Variants in GABRB1 observed in about 807,000 individuals in gnomAD.
GABRB1 encodes the protein gamma-aminobutyric acid receptor subunit beta-1.
GABRB1 carries 17 observed loss-of-function variants against 51.6 expected under a neutral mutation model. That is an observed-to-expected ratio of 0.33 (90% CI 0.23 to 0.49). The LOEUF (loss-of-function observed/expected upper bound fraction) is 0.49, where lower values mean the gene tolerates loss of function less well. Ranked by LOEUF, GABRB1 falls within the 20% of genes least tolerant of loss-of-function variation. GABRB1 has a pLI of 0.99. For missense variants in GABRB1, 410 were observed against 600.6 expected (o/e 0.68, Z 3.32); for synonymous variants, 247 against 218.9 (o/e 1.13, Z -1.14).
At chr4:47,032,383 A>G in intron 2 of GABRB1, 34 bp from the exon 3 acceptor site, 1 of 1,550,998 alleles carries the variant, frequency 6.4e-7, no homozygotes, top group Non-Finnish European at 8.8e-7. Flanking sequence ...TCACTGAGAG[A>G]ATCTGTTCCT....
At chr4:47,178,165 C>T (rs1718779114) in intron 4 of GABRB1, among the ~76,000 whole-genome samples, 1 of 152,002 alleles carries the variant, frequency 6.6e-6, no homozygotes, top group Admixed American at 6.6e-5. Flanking sequence ...GGGGCATACT[C>T]ATTGAGATCA....
At chr4:47,038,568 G>T (rs1725697055) in intron 3 of GABRB1, among the ~76,000 whole-genome samples, 1 of 152,126 alleles carries the variant, frequency 6.6e-6, no homozygotes, top group African/African-American at 2.4e-5. Context: ...GTATCCCAAA[G>T]GATTTACCCA....
At chr4:47,195,821 T>C (rs71611992) in intron 4 of GABRB1, among the ~76,000 whole-genome samples, 1 of 152,242 alleles carries the variant, frequency 6.6e-6, no homozygotes, top group Non-Finnish European at 1.5e-5. Flanking sequence ...TACTTTATTG[T>C]TGAGAAATTG....
At chr4:47,096,378 C>T (rs1251132140) in intron 3 of GABRB1, among the ~76,000 whole-genome samples, 1 of 152,080 alleles carries the variant, frequency 6.6e-6, no homozygotes, top group Non-Finnish European at 1.5e-5. Context: ...CCAACTAAGC[C>T]GATCCCTGCA....
intron 4 of GABRB1, among the ~76,000 whole-genome samples, chr4:47,265,183 A>G (rs1317592226): frequency 6.6e-6 from 1 of 152,060 alleles, no homozygotes; most frequent in Admixed American, 6.6e-5. Context: ...GCTCCCACTT[A>G]TAGGTGAGAA....
intron 4 of GABRB1, among the ~76,000 whole-genome samples, chr4:47,273,387 T>C (rs1375434952): frequency 6.6e-6 from 1 of 152,200 alleles, no homozygotes; most frequent in African/African-American, 2.4e-5. Context: ...TCTGGGTAGT[T>C]TATTTCCTGC....
intron 3 of GABRB1, among the ~76,000 whole-genome samples, chr4:47,119,189 G>A (rs543888927): frequency 6.6e-6 from 1 of 152,160 alleles, no homozygotes; most frequent in East Asian, 1.9e-4. Context: ...AGAAGGGGAA[G>A]ATTGACTGTT....
At chr4:47,329,086 A>G (rs1214874762) in intron 5 of GABRB1, among the ~76,000 whole-genome samples, 1 of 152,176 alleles carries the variant, frequency 6.6e-6, no homozygotes, top group Non-Finnish European at 1.5e-5. Flanking sequence ...TATAGTTTTC[A>G]GACATAAGAC....
intron 1 of GABRB1, among the ~76,000 whole-genome samples, chr4:46,996,301 A>T (rs1723996027): frequency 6.6e-6 from 1 of 152,124 alleles, no homozygotes; most frequent in South Asian, 2.1e-4. Context: ...TACTAGGTTT[A>T]GCAGAATTTG....
At chr4:47,232,898 G>A (rs529884986) in intron 4 of GABRB1, among the ~76,000 whole-genome samples, 6 of 142,460 alleles carry the variant, frequency 4.2e-5, no homozygotes, top group South Asian at 4.4e-4. Flanking sequence ...TTTTTGAGGC[G>A]TAGTCTCACT....
rs146236542 is a variant in GABRB1, at chr4:47,055,483, G to C, written c.240+22999G>C. On this transcript the variant is annotated intron_variant, in intron 3 of 8. Coordinates refer to ENST00000295454, the MANE Select transcript of GABRB1 (RefSeq NM_000812.4). ...GTAACCGAGCGGACACCATTTACAC[G>C]AGCATGCACTTTGTCGAAATATTGT... Among the ~76,000 whole-genome samples, 548 of 152,226 alleles carry C rather than the reference G, an allele frequency of 3.6e-3. 6 individuals are homozygous for C. Among genetic ancestry groups the C allele is most frequent in the African/African-American group, 0.012 (512 of 41,542 alleles).
chr4:47,074,143 C>G (rs10029672), intron 3 of GABRB1, among the ~76,000 whole-genome samples: 12,359 of 152,122 alleles, frequency 0.081, 545 homozygotes, highest in South Asian at 0.17. Flanking sequence ...CAATGTTTTT[C>G]TCACAAACGG....
intron 3 of GABRB1, among the ~76,000 whole-genome samples, chr4:47,116,151 T>A (rs1715467920): frequency 6.6e-6 from 1 of 152,222 alleles, no homozygotes; most frequent in Admixed American, 6.5e-5. Flanking sequence ...AAATAAATTG[T>A]CAAGTTTGGT....
chr4:47,138,922 TAA>T (rs1560553385), intron 3 of GABRB1, among the ~76,000 whole-genome samples: 1 of 152,100 alleles, frequency 6.6e-6, no homozygotes, highest in East Asian at 1.9e-4. Flanking sequence ...AAAGCCTGAC[TAA>T]TTCACCCTTA....
intron 4 of GABRB1, among the ~76,000 whole-genome samples, chr4:47,254,194 CA>C (rs1722091401): frequency 6.6e-6 from 1 of 151,970 alleles, no homozygotes; most frequent in African/African-American, 2.4e-5. Flanking sequence ...AATATGCTAT[CA>C]GAAAATCTCC....
At chr4:47,114,197 G>A (rs1715365239) in intron 3 of GABRB1, among the ~76,000 whole-genome samples, 1 of 127,454 alleles carries the variant, frequency 7.8e-6, no homozygotes, top group South Asian at 2.7e-4. Context: ...TCATTCCAAG[G>A]CGTATGAAGA....
At chr4:47,412,681 C>G (rs1728797532) in intron 8 of GABRB1, among the ~76,000 whole-genome samples, 1 of 152,036 alleles carries the variant, frequency 6.6e-6, no homozygotes, top group African/African-American at 2.4e-5. Context: ...AGGTTAAGAG[C>G]AGAGGTTTAA....
intron 4 of GABRB1, among the ~76,000 whole-genome samples, chr4:47,238,695 C>A (rs553942961): frequency 1.3e-5 from 2 of 151,940 alleles, no homozygotes; most frequent in South Asian, 4.2e-4. Flanking sequence ...TTTGAAATAT[C>A]CTAAGTGTCG....
chr4:47,287,703 TC>T (rs1723562552), intron 4 of GABRB1, among the ~76,000 whole-genome samples: 1 of 152,240 alleles, frequency 6.6e-6, no homozygotes. Flanking sequence ...TGATACAATG[TC>T]ATGTCTCGAT....
Sources: gnomAD v4.1 joint callset for allele counts (sites outside exome capture counted in the v4.1 genomes callset) on GRCh38, gnomAD v4.1.1 for gene constraint, MANE v1.5 for transcripts, NCBI Gene and HGNC (gene_info 2026-07-23, HGNC 2026-07-21) for gene names.